TNS3: variants seen among roughly 807,000 people sequenced by gnomAD.
TNS3 encodes the protein tensin 3.
TNS3 carries 45 observed loss-of-function variants against 140.9 expected under a neutral mutation model. The observed-to-expected ratio is 0.32, with a 90% CI of 0.25 to 0.41. TNS3 has a LOEUF of 0.41. TNS3 is among the 10% of genes least tolerant of loss of function. The pLI, the probability that TNS3 is intolerant of heterozygous loss-of-function variation, is 1.00. For missense variants in TNS3, 1,716 were observed against 1,906.7 expected, an observed-to-expected ratio of 0.90 and a Z score of 1.86; for synonymous variants, 815 against 788.4, an observed-to-expected ratio of 1.03 and a Z score of -0.56.
At chr7:47,372,962 C>T (rs903442771) in intron 16 of TNS3, among the ~76,000 whole-genome samples, 1 of 152,178 alleles carries the variant, frequency 6.6e-6, no homozygotes, top group African/African-American at 2.4e-5. Context: ...TGTAGGAGCA[C>T]AGATCTTCCT....
intron 8 of TNS3, among the ~76,000 whole-genome samples, chr7:47,432,241 C>T (rs570374069): frequency 6.6e-6 from 1 of 152,296 alleles, no homozygotes; most frequent in South Asian, 2.1e-4. Context: ...GTTAATACAT[C>T]TGTGGATTAA....
chr7:47,401,839 T>C (rs1481087513), intron 13 of TNS3, among the ~76,000 whole-genome samples: 1 of 152,236 alleles, frequency 6.6e-6, no homozygotes, highest in Non-Finnish European at 1.5e-5. Context: ...GTAGTGGCAC[T>C]TTCCCAAATC....
At chr7:47,505,425 C>G in intron 3 of TNS3, among the ~76,000 whole-genome samples, 1 of 152,206 alleles carries the variant, frequency 6.6e-6, no homozygotes, top group East Asian at 1.9e-4. Flanking sequence ...GCCCACTCCT[C>G]TGGAAAAGGG....
chr7:47,385,673 C>T (rs1003900500), intron 16 of TNS3, among the ~76,000 whole-genome samples: 34 of 152,210 alleles, frequency 2.2e-4, no homozygotes, highest in African/African-American at 8.2e-4. Flanking sequence ...ATTACATGTA[C>T]AGGAATAAAG....
At chr7:47,393,487 A>G (rs1452805805) in intron 16 of TNS3, among the ~76,000 whole-genome samples, 14 of 151,946 alleles carry the variant, frequency 9.2e-5, no homozygotes, top group Non-Finnish European at 1.5e-5. Flanking sequence ...TTGGGAGAGG[A>G]CTCAGATTCC....
chr7:47,287,031 C>A (rs1785456122), intron 27 of TNS3, among the ~76,000 whole-genome samples: 1 of 151,824 alleles, frequency 6.6e-6, no homozygotes. Flanking sequence ...TAGGGGCAAC[C>A]GATCTATGAG....
chr7:47,298,788 C>T (rs1023871841), intron 23 of TNS3, among the ~76,000 whole-genome samples: 3 of 152,234 alleles, frequency 2.0e-5, no homozygotes, highest in African/African-American at 4.8e-5. Flanking sequence ...TAGGATGAAA[C>T]GAATGGTTTC....
At chr7:47,451,079 A>G (rs1795992663) in intron 4 of TNS3, among the ~76,000 whole-genome samples, 1 of 152,222 alleles carries the variant, frequency 6.6e-6, no homozygotes, top group Non-Finnish European at 1.5e-5. Flanking sequence ...GGTTGCAGTG[A>G]GCCAAGATCA....
intron 1 of TNS3, among the ~76,000 whole-genome samples, chr7:47,549,582 G>A (rs1435597104): frequency 6.6e-6 from 1 of 152,114 alleles, no homozygotes; most frequent in African/African-American, 2.4e-5. Flanking sequence ...CCTCAGCCAG[G>A]TGCTGCCTCA....
At chr7:47,387,524 T>C (rs780511842) in intron 16 of TNS3, among the ~76,000 whole-genome samples, 1 of 152,250 alleles carries the variant, frequency 6.6e-6, no homozygotes, top group Non-Finnish European at 1.5e-5. Context: ...CACCTCCATG[T>C]AAGGGTCCCT....
At chr7:47,483,151 G>A (rs1353114847) in intron 3 of TNS3, among the ~76,000 whole-genome samples, 2 of 147,276 alleles carry the variant, frequency 1.4e-5, no homozygotes, top group African/African-American at 4.9e-5. Context: ...TATATATGAA[G>A]AGGAAGAAGA....
At chr7:47,429,687 T>A (rs372688030) in intron 8 of TNS3, among the ~76,000 whole-genome samples, 5 of 152,286 alleles carry the variant, frequency 3.3e-5, no homozygotes, top group Admixed American at 6.5e-5. Context: ...ATCTGGCTGT[T>A]TTTAAAAATA....
intron 4 of TNS3, among the ~76,000 whole-genome samples, chr7:47,460,006 AGAG>A (rs1796415103): frequency 1.3e-5 from 2 of 152,100 alleles, no homozygotes; most frequent in Admixed American, 1.3e-4. Flanking sequence ...CTTTATAAAA[AGAG>A]GAGATTATCC....
At chr7:47,492,762 G>A (rs1277021022) in intron 3 of TNS3, among the ~76,000 whole-genome samples, 1 of 152,208 alleles carries the variant, frequency 6.6e-6, no homozygotes, top group African/African-American at 2.4e-5. Context: ...TTAAAATGAG[G>A]GGTGGGCCCC....
intron 2 of TNS3, among the ~76,000 whole-genome samples, chr7:47,509,363 T>A (rs544685126): frequency 6.6e-6 from 1 of 152,298 alleles, no homozygotes; most frequent in East Asian, 1.9e-4. Flanking sequence ...TCACACTCGA[T>A]TGTCAGCAGC....
chr7:47,369,262 C>A lies in TNS3; in HGVS notation c.1384G>T (p.Val462Phe). ...SGTRHVVPAQ[V>F]HVNGDAALKD... Reference sequence around the variant, plus strand: ...AGAGCAGCGTCTCCATTCACGTGAACCTGGGCTGGCACCACGTGGCGGGTC... The same window carrying A: ...AGAGCAGCGTCTCCATTCACGTGAAACTGGGCTGGCACCACGTGGCGGGTC... Residue 462 changes from valine (V) to phenylalanine (F), a missense_variant, in exon 17 of 31, where the codon GTT becomes TTT. Transcript: ENST00000311160. The A allele has an allele frequency of 6.2e-7, 1 of 1,614,178 alleles. No individual in the cohort carries two copies. Among genetic ancestry groups the A allele is most frequent in the Non-Finnish European group, 8.5e-7 (1 of 1,180,046 alleles).
At chr7:47,397,471 A>T (rs781194654) in intron 15 of TNS3, among the ~76,000 whole-genome samples, 22 of 152,232 alleles carry the variant, frequency 1.4e-4, no homozygotes, top group Non-Finnish European at 2.8e-4. Context: ...ATTCACCTTG[A>T]TGATAAAGGG....
chr7:47,526,243 C>G (rs777175378), intron 2 of TNS3, among the ~76,000 whole-genome samples: 1 of 151,398 alleles, frequency 6.6e-6, no homozygotes, highest in Non-Finnish European at 1.5e-5. Flanking sequence ...GGAAAAATTA[C>G]TCCTCAAGCA....
At chr7:47,509,931 T>A (rs1318812430) in intron 2 of TNS3, among the ~76,000 whole-genome samples, 1 of 152,194 alleles carries the variant, frequency 6.6e-6, no homozygotes, top group Non-Finnish European at 1.5e-5. Flanking sequence ...ACAGCGTCTC[T>A]GTTGTGCATG....
Sources: gnomAD v4.1 joint callset for allele counts (sites outside exome capture counted in the v4.1 genomes callset) on GRCh38, gnomAD v4.1.1 for gene constraint, MANE v1.5 for transcripts, NCBI Gene and HGNC (gene_info 2026-07-23, HGNC 2026-07-21) for gene names.